Variants in ITPR1 observed in about 807,000 individuals in gnomAD.
The protein encoded by ITPR1 is inositol 1,4,5-trisphosphate receptor type 1.
ITPR1 carries 96 observed loss-of-function variants against 318.4 expected under a neutral mutation model. The ratio of observed to expected loss-of-function variants is 0.30; its 90% CI spans 0.26 to 0.36. The LOEUF (loss-of-function observed/expected upper bound fraction) is 0.36, where lower values mean the gene tolerates loss of function less well. Ranked by LOEUF, ITPR1 falls within the 10% of genes least tolerant of loss-of-function variation. ITPR1 has a pLI of 1.00. For synonymous variants in ITPR1, 1,312 were observed against 1,289.9 expected (o/e 1.02, Z -0.37); for missense variants, 2,440 against 3,460.2 (o/e 0.71, Z 7.40).
chr3:4,648,470 A>C (rs2093516047), intron 10 of ITPR1, among the ~76,000 whole-genome samples: 1 of 152,178 alleles, frequency 6.6e-6, no homozygotes, highest in African/African-American at 2.4e-5. Context: ...AAGCTAATTA[A>C]ATACGCTGGG....
chr3:4,499,872 A>G (rs374717133), intron 2 of ITPR1, among the ~76,000 whole-genome samples: 81 of 152,298 alleles, frequency 5.3e-4, no homozygotes, highest in Middle Eastern at 6.8e-3. Context: ...CCTGGTCTCA[A>G]GCAGTCTTCC....
chr3:4,824,636 T>G (rs3792511), intron 60 of ITPR1, among the ~76,000 whole-genome samples: 41,895 of 152,020 alleles, frequency 0.28, 6,555 homozygotes, highest in African/African-American at 0.43. Flanking sequence ...ATTAGCCTCC[T>G]TTAAAAGAGG....
chr3:4,757,412 C>T (rs904204462), intron 44 of ITPR1, among the ~76,000 whole-genome samples: 9 of 152,150 alleles, frequency 5.9e-5, no homozygotes, highest in Admixed American at 5.9e-4. Context: ...GTACCTTCTG[C>T]CACTATTCTT....
chr3:4,625,431 G>A (rs766912625), intron 4 of ITPR1, among the ~76,000 whole-genome samples: 1 of 152,294 alleles, frequency 6.6e-6, no homozygotes, highest in East Asian at 1.9e-4. Context: ...GGCACTTTAA[G>A]GGAATCGGTT....
At chr3:4,502,586 A>G (rs2124879182) in intron 2 of ITPR1, among the ~76,000 whole-genome samples, 1 of 151,964 alleles carries the variant, frequency 6.6e-6, no homozygotes, top group East Asian at 2.0e-4. Flanking sequence ...GTCTACAGGC[A>G]TGTGCCACCA....
At chr3:4,643,622 A>G (rs533826156) in intron 7 of ITPR1, among the ~76,000 whole-genome samples, 1 of 151,878 alleles carries the variant, frequency 6.6e-6, no homozygotes, top group South Asian at 2.1e-4. Context: ...CTTTTGTTTT[A>G]GTTACATATA....
At position 4,693,843 on chromosome 3, in the gene ITPR1, A is replaced by T. The variant is rs528887863; in HGVS notation, c.4281+102A>T. 1.9e-4 allele frequency: 242 copies of T among 1,275,384 alleles called. 2 individuals are homozygous for T. The highest frequency in any genetic ancestry group is 2.8e-4 in the South Asian group (19 of 67,406). The allele number at this position is 1,275,384 out of a possible 1,614,324, so 79.0% of individuals were successfully genotyped here. On this transcript the variant is annotated intron_variant, in intron 33 of 61. Transcript: ENST00000649015. ...TGGTGGCTGGCCTGGGGGAGCCCTC[A>T]TGGCTCTGAAAGCTGCAGCTCATTT...
intron 55 of ITPR1, among the ~76,000 whole-genome samples, chr3:4,807,607 A>G (rs117399593): frequency 6.6e-6 from 1 of 152,232 alleles, no homozygotes; most frequent in East Asian, 1.9e-4. Flanking sequence ...CACCATAAGG[A>G]ATTCACCGTT....
At chr3:4,609,909 C>G (rs2091972294) in intron 4 of ITPR1, among the ~76,000 whole-genome samples, 1 of 152,180 alleles carries the variant, frequency 6.6e-6, no homozygotes, top group Non-Finnish European at 1.5e-5. Flanking sequence ...GCCTTGAACT[C>G]TGAGAGCAGG....
intron 4 of ITPR1, among the ~76,000 whole-genome samples, chr3:4,597,031 C>T (rs985105276): frequency 5.3e-5 from 8 of 152,160 alleles, no homozygotes; most frequent in African/African-American, 1.9e-4. Flanking sequence ...GAGAGGACTG[C>T]GTGAGAAAAG....
intron 4 of ITPR1, among the ~76,000 whole-genome samples, chr3:4,622,646 C>G (rs1466332060): frequency 6.6e-6 from 1 of 152,162 alleles, no homozygotes; most frequent in Non-Finnish European, 1.5e-5. Flanking sequence ...ATCTCTTGAC[C>G]TCGTGATCCT....
intron 45 of ITPR1, among the ~76,000 whole-genome samples, chr3:4,767,861 G>T (rs894380273): frequency 1.3e-5 from 2 of 152,106 alleles, no homozygotes; most frequent in Non-Finnish European, 2.9e-5. Flanking sequence ...TGTCACCACC[G>T]CAAGATAGAT....
At chr3:4,634,365 C>T (rs1023548916) in intron 5 of ITPR1, among the ~76,000 whole-genome samples, 11 of 152,064 alleles carry the variant, frequency 7.2e-5, no homozygotes, top group Non-Finnish European at 1.6e-4. Context: ...GCACACACCA[C>T]CATGCCTGGC....
At chr3:4,798,357 A>G (rs894455927) in intron 53 of ITPR1, among the ~76,000 whole-genome samples, 9 of 152,266 alleles carry the variant, frequency 5.9e-5, no homozygotes, top group Non-Finnish European at 8.8e-5. Flanking sequence ...AACGATGTTG[A>G]GCATCACTAG....
chr3:4,836,838 G>C lies in ITPR1; in HGVS notation c.8093G>C (p.Gly2698Ala). 6.3e-7 allele frequency: 1 copy of C among 1,578,238 alleles called. No individual in the cohort carries two copies. The highest frequency in any genetic ancestry group is 8.6e-7 in the Non-Finnish European group (1 of 1,157,500). Residue 2698 changes from glycine (G) to alanine (A), a missense_variant, in exon 61 of 62, where the codon GGA becomes GCA. Physicochemically the swap from Gly to Ala is moderately conservative, Grantham distance 60 (BLOSUM62 0). Around this residue, in one of 23 missense-constraint regions of ITPR1, gnomAD observed 72 missense variants for 197.7 expected, o/e 0.36. Transcript: ENST00000649015. Reference sequence around the variant, plus strand: ...TCATTGGTCAGCAGTGATTCTGAAGGAGAACAGAATGAGCTGAGAAACCTG... The same window carrying C: ...TCATTGGTCAGCAGTGATTCTGAAGCAGAACAGAATGAGCTGAGAAACCTG... ...AMSLVSSDSE[G>A]EQNELRNLQE...
At position 4,826,058 on chromosome 3, in the gene ITPR1, G is replaced by T. The variant is rs568391443; in HGVS notation, c.8028+7816G>T. 1.3e-5 allele frequency among the ~76,000 whole-genome samples: 2 copies of T among 152,220 alleles called. No individual in the cohort carries two copies. Among genetic ancestry groups the T allele is most frequent in the Non-Finnish European group, 2.9e-5 (2 of 68,032 alleles). On this transcript the variant is annotated intron_variant, in intron 60 of 61. Coordinates refer to ENST00000649015, the MANE Select transcript of ITPR1 (RefSeq NM_001378452.1). This position sits in a 1 kb window ranked among gnomAD's most constrained non-coding sequence, Gnocchi z 4.2. ...AGAGAGGAAGGGCGAGTCCAACAGGGCGTGCACTTAACCCTGGTCTGACCT... is the reference window on the plus strand; with the variant it reads ...AGAGAGGAAGGGCGAGTCCAACAGGTCGTGCACTTAACCCTGGTCTGACCT...
chr3:4,662,272 G>T, intron 15 of ITPR1, 30 bp downstream of exon 15: 1 of 1,524,010 alleles, frequency 6.6e-7, no homozygotes, highest in South Asian at 1.3e-5. Flanking sequence ...CAGCACAGCC[G>T]CCCTCCCGCA....
chr3:4,812,979 C>A, intron 56 of ITPR1, 163 bp from the exon 57 acceptor site: 1 of 641,004 alleles, frequency 1.6e-6, no homozygotes, highest in Non-Finnish European at 2.8e-6. Flanking sequence ...ATCCAGATCA[C>A]CAAATGAAAG....
chr3:4,842,524 T>G (rs1168093079), intron 61 of ITPR1, among the ~76,000 whole-genome samples: 1 of 152,170 alleles, frequency 6.6e-6, no homozygotes, highest in Non-Finnish European at 1.5e-5. Context: ...TGTACCACCA[T>G]GCCTGGCTAA....
Sources: gnomAD v4.1 joint callset for allele counts (sites outside exome capture counted in the v4.1 genomes callset) on GRCh38, gnomAD v4.1.1 for gene constraint, gnomAD v4.1.1 regional missense constraint, Gnocchi (gnomAD v3.1) non-coding constraint, MANE v1.5 for transcripts, NCBI Gene and HGNC (gene_info 2026-07-23, HGNC 2026-07-21) for gene names.